TMEM116: variants seen among roughly 807,000 people sequenced by gnomAD.
TMEM116 encodes transmembrane protein 116.
A neutral mutation model predicts 44.3 loss-of-function variants in TMEM116; 38 were observed. The observed-to-expected ratio is 0.86, with a 90% CI of 0.66 to 1.12. The LOEUF is 1.12. Ranked by LOEUF, TMEM116 falls within the 50% of genes most tolerant of loss-of-function variation. The pLI is 0.00. For synonymous variants in TMEM116, 132 were observed against 144.8 expected, an observed-to-expected ratio of 0.91 and a Z score of 0.64; for missense variants, 354 against 401.7, an observed-to-expected ratio of 0.88 and a Z score of 1.01.
chr12:111,997,054 A>G (rs1224960566), intron 3 of TMEM116, among the ~76,000 whole-genome samples: 1 of 152,228 alleles, frequency 6.6e-6, no homozygotes, highest in Admixed American at 6.5e-5. Flanking sequence ...CTTATCACAA[A>G]AATCTGGATA....
chr12:112,009,123 T>C (rs2077721023), intron 1 of TMEM116, among the ~76,000 whole-genome samples: 1 of 152,118 alleles, frequency 6.6e-6, no homozygotes, highest in Non-Finnish European at 1.5e-5. Context: ...CACGGTGTAA[T>C]GATTAATGGA....
chr12:111,937,019 C>T (rs2072220922), intron 7 of TMEM116, 141 bp downstream of exon 7: 2 of 993,152 alleles, frequency 2.0e-6, no homozygotes, highest in Non-Finnish European at 3.0e-6. Flanking sequence ...TATTTTCAGC[C>T]TTTACTACAT....
At chr12:112,003,592 C>T in intron 3 of TMEM116, 1 of 511,502 alleles carries the variant, frequency 2.0e-6, no homozygotes, top group Non-Finnish European at 3.1e-6. Context: ...AATAGTTAAT[C>T]TCTCAGAATT....
intron 4 of TMEM116, among the ~76,000 whole-genome samples, chr12:111,958,552 G>A (rs1213449802): frequency 6.6e-6 from 1 of 152,140 alleles, no homozygotes; most frequent in Admixed American, 6.5e-5. Flanking sequence ...ACTCCTCTGA[G>A]TTAAAGGAGC....
chr12:111,997,213 C>T (rs559828408), intron 3 of TMEM116, among the ~76,000 whole-genome samples: 2 of 152,082 alleles, frequency 1.3e-5, no homozygotes, highest in Non-Finnish European at 2.9e-5. Context: ...TTCATGCATT[C>T]TAGTTCATGT....
chr12:111,980,418 G>C (rs1162498982), intron 4 of TMEM116, among the ~76,000 whole-genome samples: 1 of 151,234 alleles, frequency 6.6e-6, no homozygotes, highest in Non-Finnish European at 1.5e-5. Context: ...AAGGAAGAGT[G>C]TGCGAAAGAT....
chr12:111,939,101 AGGT>A (rs1224942776), intron 5 of TMEM116, among the ~76,000 whole-genome samples: 2 of 152,172 alleles, frequency 1.3e-5, no homozygotes, highest in African/African-American at 4.8e-5. Flanking sequence ...TTCCTCTGTC[AGGT>A]GGTTATCCAG....
Position 111,953,228 on chromosome 12 carries a change from T to C in TMEM116, c.211-9859A>G, listed in dbSNP as rs141309696. 3.9e-4 allele frequency among the ~76,000 whole-genome samples: 59 copies of C among 152,320 alleles called. No individual in the cohort carries two copies. The East Asian group carries it at 0.011, about 27-fold the overall frequency. ...CTCCAAACTTCCCTTGTTGCTCAAA[T>C]GTGACTAAAAGAGTTTGACACTAAC... On this transcript the variant is annotated intron_variant, in intron 4 of 10. Transcript: ENST00000552374.
At chr12:111,975,909 C>T (rs2075640634) in intron 4 of TMEM116, among the ~76,000 whole-genome samples, 1 of 152,196 alleles carries the variant, frequency 6.6e-6, no homozygotes, top group African/African-American at 2.4e-5. Context: ...TCTCCAACAC[C>T]TTACCATCAC....
intron 4 of TMEM116, among the ~76,000 whole-genome samples, chr12:111,969,941 T>C (rs893843451): frequency 1.3e-5 from 2 of 151,792 alleles, no homozygotes; most frequent in East Asian, 3.9e-4. Context: ...AGAAGAAAAA[T>C]TAATGAACTT....
intron 5 of TMEM116, among the ~76,000 whole-genome samples, chr12:111,938,943 GTAAT>G (rs2072423719): frequency 6.6e-6 from 1 of 152,168 alleles, no homozygotes; most frequent in Non-Finnish European, 1.5e-5. Flanking sequence ...CATTAAGTGA[GTAAT>G]TAATCAATAA....
At chr12:111,936,063 A>G (rs2072138546) in intron 8 of TMEM116, 1 of 152,170 alleles carries the variant, frequency 6.6e-6, no homozygotes. Context: ...TAATTCTTGA[A>G]CTGAAATATA....
intron 6 of TMEM116, 122 bp downstream of exon 6, chr12:111,938,039 T>C (rs2136238801): frequency 7.6e-6 from 4 of 525,250 alleles, no homozygotes; most frequent in Non-Finnish European, 1.3e-5. Flanking sequence ...TGTTTCTAAG[T>C]TAGGCTCTGT....
At chr12:112,013,189 G>C, upstream of TMEM116, 1 of 421,156 alleles carries the variant, frequency 2.4e-6, no homozygotes, top group Admixed American at 4.4e-5. Context: ...GGAAGACTCG[G>C]CGAGTGCGCG....
chr12:111,954,036 A>G (rs1318686543), intron 4 of TMEM116, among the ~76,000 whole-genome samples: 1 of 152,172 alleles, frequency 6.6e-6, no homozygotes, highest in Non-Finnish European at 1.5e-5. Context: ...TGTTTAAAAA[A>G]CCAAAAATAA....
chr12:112,003,090 T>G (rs373054779), intron 3 of TMEM116, among the ~76,000 whole-genome samples: 37 of 152,210 alleles, frequency 2.4e-4, no homozygotes, highest in Non-Finnish European at 5.1e-4. Context: ...AAAATAAGTA[T>G]GTTTCATATA....
intron 4 of TMEM116, among the ~76,000 whole-genome samples, chr12:111,964,834 C>T (rs1472539231): frequency 2.0e-5 from 3 of 151,612 alleles, no homozygotes; most frequent in Non-Finnish European, 4.4e-5. Context: ...ACCACAGGTG[C>T]GCACCACCAT....
chr12:111,931,796 T>C lies in TMEM116; in HGVS notation c.839A>G (p.Asn280Ser). The C allele has an allele frequency of 6.4e-7, 1 of 1,563,576 alleles. No homozygotes were observed. Among genetic ancestry groups the C allele is most frequent in the Non-Finnish European group, 8.6e-7 (1 of 1,157,084 alleles). Residue 280 changes from asparagine (N) to serine (S), a missense_variant, in exon 11 of 11, where the codon AAC becomes AGC. Physicochemically the swap from Asn to Ser is conservative, Grantham distance 46. Transcript: ENST00000552374. The stretch of plus-strand genomic sequence containing the variant: ...CTGCGTCCAGCCATATACTCCACAG[T>C]TGAGTAGACCCTGAGATGTTGCCGT... ...ALTATSQGLL[N>S]CGVYGWTQHK...
chr12:111,993,919 A>G, intron 3 of TMEM116: 1 of 699,762 alleles, frequency 1.4e-6, no homozygotes, highest in Non-Finnish European at 2.7e-6. Context: ...ATGGAAGGGA[A>G]TGTTTGTCTG....
Sources: gnomAD v4.1 joint callset for allele counts (sites outside exome capture counted in the v4.1 genomes callset) on GRCh38, gnomAD v4.1.1 for gene constraint, MANE v1.5 for transcripts, NCBI Gene and HGNC (gene_info 2026-07-23, HGNC 2026-07-21) for gene names.